The following RGS9 variants were observed in gnomAD, a reference collection of about 807,000 sequenced individuals.
The protein encoded by RGS9 is regulator of G-protein signalling 9.
Under a neutral mutation model 102.0 loss-of-function variants are expected in RGS9, and 78 were observed. The observed-to-expected ratio is 0.76, with a 90% confidence interval of 0.64 to 0.92. RGS9 has a LOEUF of 0.92. Ranked by LOEUF, RGS9 falls within the 40% of genes least tolerant of loss-of-function variation. RGS9 has a pLI of 0.00. For synonymous variants in RGS9, 353 were observed against 318.6 expected (o/e 1.11, Z -1.15); for missense variants, 833 against 866.1 (o/e 0.96, Z 0.48).
At chr17:65,178,171 A>G (rs1164269379) in intron 9 of RGS9, among the ~76,000 whole-genome samples, 1 of 152,192 alleles carries the variant, frequency 6.6e-6, no homozygotes. Flanking sequence ...AGTTTCAGCC[A>G]GTTCCTTGAT....
At chr17:65,176,312 C>T (rs1207646836) in intron 8 of RGS9, among the ~76,000 whole-genome samples, 1 of 152,230 alleles carries the variant, frequency 6.6e-6, no homozygotes, top group Non-Finnish European at 1.5e-5. Context: ...AAAATGAATA[C>T]AACCCCTTGC....
At position 65,227,383 on chromosome 17, in the gene RGS9, C is replaced by A; in HGVS notation, c.2001C>A (p.Val667=). The A allele has an allele frequency of 6.2e-7, 1 of 1,614,134 alleles. No individual in the cohort carries two copies. The highest frequency in any genetic ancestry group is 1.1e-5 in the South Asian group (1 of 91,078). Residue 667 remains valine (V), a synonymous_variant, in exon 19 of 19, where the codon GTC becomes GTA. Coordinates refer to ENST00000262406, the MANE Select transcript of RGS9 (RefSeq NM_003835.4). ...ESGDRATEKE[V]ICPWESL ...GTGACCGGGCCACAGAAAAGGAGGT[C>A]ATCTGCCCCTGGGAGAGCCTGTAAG...
intron 6 of RGS9, among the ~76,000 whole-genome samples, chr17:65,161,712 T>TTATA (rs1327464981): frequency 7.3e-5 from 10 of 136,272 alleles, no homozygotes; most frequent in Admixed American, 4.2e-4. Context: ...ATTTATATAT[T>TTATA]TATTTATTTA....
At position 65,225,283 on chromosome 17, in the gene RGS9, C is replaced by T. The variant is rs959375849; in HGVS notation, c.1689C>T (p.Thr563=). The T allele has an allele frequency of 1.9e-6, 3 of 1,609,118 alleles. No individual in the cohort carries two copies. Among genetic ancestry groups the T allele is most frequent in the Non-Finnish European group, 2.5e-6 (3 of 1,179,974 alleles). Residue 563 remains threonine, a synonymous_variant, in exon 18 of 19, where the codon ACC becomes ACT. Transcript: ENST00000262406. ...AGAGCAGCGAGGCCTCCCTCGACACCTCCTGGCCTCGCAGCCGGCCCAGGG... is the reference window on the plus strand; with the variant it reads ...AGAGCAGCGAGGCCTCCCTCGACACTTCCTGGCCTCGCAGCCGGCCCAGGG... ...VTESSEASLD[T]SWPRSRPRAP...
intron 8 of RGS9, among the ~76,000 whole-genome samples, chr17:65,171,515 A>C (rs1911419897): frequency 6.6e-6 from 1 of 152,226 alleles, no homozygotes; most frequent in Admixed American, 6.5e-5. Context: ...AAGGAGCTCA[A>C]AATCCAAATT....
At chr17:65,197,325 T>C in intron 13 of RGS9, 84 bp downstream of exon 13, 1 of 913,142 alleles carries the variant, frequency 1.1e-6, no homozygotes, top group South Asian at 1.4e-5. Flanking sequence ...TTTGGGGAAT[T>C]TCTCAGCAGA....
intron 13 of RGS9, among the ~76,000 whole-genome samples, chr17:65,200,472 AG>A (rs1912788748): frequency 6.6e-6 from 1 of 152,208 alleles, no homozygotes; most frequent in Non-Finnish European, 1.5e-5. Flanking sequence ...AATTTTACTA[AG>A]CAATCAACTG....
chr17:65,202,408 G>GGTGTGTGTGTGTGT (rs746368093), intron 14 of RGS9, among the ~76,000 whole-genome samples: 75 of 132,322 alleles, frequency 5.7e-4, no homozygotes, highest in Middle Eastern at 3.9e-3. Context: ...TGTCCTGAGG[G>GGTGTGTGTGTGTGT]GTGTGTGTGT....
At chr17:65,216,561 C>G (rs999209876) in intron 17 of RGS9, among the ~76,000 whole-genome samples, 1 of 152,134 alleles carries the variant, frequency 6.6e-6, no homozygotes, top group Non-Finnish European at 1.5e-5. Context: ...CGCTTGAACC[C>G]GGGAGGCAGA....
At chr17:65,206,434 C>T (rs1399122634) in intron 15 of RGS9, among the ~76,000 whole-genome samples, 1 of 152,160 alleles carries the variant, frequency 6.6e-6, no homozygotes, top group African/African-American at 2.4e-5. Context: ...AATCCCAGTA[C>T]TTTGGAAGGC....
Position 65,168,277 on chromosome 17 carries a change from G to A in RGS9, c.578G>A (p.Cys193Tyr). The change falls in exon 8 of 19, where the codon TGC becomes TAC. Residue 193 changes from cysteine to tyrosine, a missense_variant. Coordinates refer to ENST00000262406, the MANE Select transcript of RGS9 (RefSeq NM_003835.4). ...QEKAYWLVHRCPPGMDNVLDY... is the reference protein window; with the variant it reads ...QEKAYWLVHRYPPGMDNVLDY... ...AAGGCATACTGGCTGGTGCACCGAT[G>A]CCCTGTGAGTATCCTCCTGCCTGGT... 6.2e-7 allele frequency: 1 copy of A among 1,605,028 alleles called. No homozygotes were observed. The highest frequency in any genetic ancestry group is 8.5e-7 in the Non-Finnish European group (1 of 1,174,522).
chr17:65,144,166 CAGG>C (rs890471025), intron 1 of RGS9, among the ~76,000 whole-genome samples: 8 of 152,118 alleles, frequency 5.3e-5, no homozygotes, highest in African/African-American at 1.9e-4. Flanking sequence ...GGCTTATTAG[CAGG>C]AGTACATCCT....
intron 1 of RGS9, among the ~76,000 whole-genome samples, chr17:65,141,125 G>A (rs970521789): frequency 1.3e-5 from 2 of 152,208 alleles, no homozygotes; most frequent in Non-Finnish European, 2.9e-5. Flanking sequence ...CGGGATGCCC[G>A]CCGGCCATGC....
rs1214761356 is a variant in RGS9, at chr17:65,189,293, C to G, written c.662C>G (p.Thr221Arg). Residue 221 changes from threonine to arginine, a missense_variant, in exon 10 of 19, where the codon ACA (threonine) becomes AGA (arginine). By Grantham distance (71) the Thr-to-Arg change is moderately conservative (BLOSUM62 -1). Transcript: ENST00000262406. ...TGTTTCTTTGTCTTACAGAAACAAA[C>G]AGTCGTTGCTGTCAAAAAAGAGGTA... Reference protein sequence around the residue: ...PNEVKVNQKQTVVAVKKEIMY... With the variant: ...PNEVKVNQKQRVVAVKKEIMY... 6.2e-7 allele frequency: 1 copy of G among 1,612,178 alleles called. No individual in the cohort carries two copies. Among genetic ancestry groups the G allele is most frequent in the Non-Finnish European group, 8.5e-7 (1 of 1,178,374 alleles).
At position 65,160,896 on chromosome 17, in the gene RGS9, A is replaced by G; in HGVS notation, c.410A>G (p.Glu137Gly). The change falls in exon 6 of 19, where the codon GAA becomes GGA. Residue 137 changes from glutamate (E) to glycine (G), a missense_variant. Physicochemically the swap from Glu to Gly is moderately conservative, Grantham distance 98. Transcript: ENST00000262406. ...KRNIKKKGIL[E>G]EYEKENYNFL... Reference sequence around the variant, plus strand: ...AATATCAAAAAGAAAGGGATTTTGGAAGAATATGAAAAGGTATGGAGGTGC... The same window carrying G: ...AATATCAAAAAGAAAGGGATTTTGGGAGAATATGAAAAGGTATGGAGGTGC... 6.2e-7 allele frequency: 1 copy of G among 1,613,626 alleles called. No homozygotes were observed. Among genetic ancestry groups the G allele is most frequent in the Non-Finnish European group, 8.5e-7 (1 of 1,179,486 alleles).
chr17:65,147,157 C>T (rs1178509089), intron 1 of RGS9, among the ~76,000 whole-genome samples: 1 of 152,146 alleles, frequency 6.6e-6, no homozygotes, highest in Non-Finnish European at 1.5e-5. Context: ...TGCAGATGGC[C>T]AAGGACTATG....
At chr17:65,224,006 C>T (rs1215953914) in intron 17 of RGS9, among the ~76,000 whole-genome samples, 2 of 152,076 alleles carry the variant, frequency 1.3e-5, no homozygotes, top group African/African-American at 4.8e-5. Flanking sequence ...ATCCACCCGC[C>T]TCAGCTTCCC....
At chr17:65,204,743 T>C (rs1393289966) in intron 15 of RGS9, among the ~76,000 whole-genome samples, 1 of 152,070 alleles carries the variant, frequency 6.6e-6, no homozygotes, top group African/African-American at 2.4e-5. Context: ...AATGACAACA[T>C]TATAATAACA....
chr17:65,168,726 C>A (rs888178179), intron 8 of RGS9, among the ~76,000 whole-genome samples: 1 of 152,058 alleles, frequency 6.6e-6, no homozygotes, highest in African/African-American at 2.4e-5. Flanking sequence ...TTTTCCTCTC[C>A]TAGATCCAGT....
Sources: allele counts gnomAD v4.1 joint callset (sites outside exome capture counted in the v4.1 genomes callset), GRCh38; gene constraint gnomAD v4.1.1; transcripts MANE v1.5; gene names NCBI Gene and HGNC (gene_info 2026-07-23, HGNC 2026-07-21).